CALN1: variants seen among roughly 807,000 people sequenced by gnomAD.
The protein encoded by CALN1 is calneuron 1, also known as calcium-binding protein 8.
Under a neutral mutation model 30.6 loss-of-function variants are expected in CALN1, and 17 were observed. That is an observed-to-expected ratio of 0.56 (90% CI 0.38 to 0.83). The LOEUF (loss-of-function observed/expected upper bound fraction) is 0.83. Ranked by LOEUF, CALN1 falls within the 40% of genes least tolerant of loss-of-function variation. The pLI is 0.00. For missense variants in CALN1, 291 were observed against 354.9 expected (o/e 0.82, Z 1.45); for synonymous variants, 156 against 131.4 (o/e 1.19, Z -1.28).
At chr7:72,020,206 A>AT (rs1471699305) in intron 5 of CALN1, among the ~76,000 whole-genome samples, 1 of 152,182 alleles carries the variant, frequency 6.6e-6, no homozygotes, top group Non-Finnish European at 1.5e-5. Flanking sequence ...CTACAGGTGC[A>AT]TAACACCATG....
At chr7:72,151,889 T>A (rs571100731) in intron 3 of CALN1, among the ~76,000 whole-genome samples, 2 of 134,382 alleles carry the variant, frequency 1.5e-5, no homozygotes, top group Non-Finnish European at 3.1e-5. Flanking sequence ...TTTTATTTTT[T>A]ATTTTTATTT....
chr7:71,969,652 G>A (rs1021570536), intron 5 of CALN1, among the ~76,000 whole-genome samples: 2 of 152,156 alleles, frequency 1.3e-5, no homozygotes, highest in African/African-American at 4.8e-5. Context: ...AGGTAAACAG[G>A]ATGGTACTTA....
At chr7:72,279,951 A>G (rs760131017) in intron 2 of CALN1, among the ~76,000 whole-genome samples, 2 of 152,184 alleles carry the variant, frequency 1.3e-5, no homozygotes, top group Non-Finnish European at 2.9e-5. Flanking sequence ...GCTTCTGGAA[A>G]GTGAACTGGG....
At chr7:72,304,947 G>A (rs1400978123) in intron 2 of CALN1, among the ~76,000 whole-genome samples, 1 of 152,212 alleles carries the variant, frequency 6.6e-6, no homozygotes, top group Non-Finnish European at 1.5e-5. Context: ...GAAAGAGCCT[G>A]GCTGGAATTT....
intron 3 of CALN1, among the ~76,000 whole-genome samples, chr7:72,125,366 T>G (rs1469191745): frequency 1.3e-5 from 2 of 152,198 alleles, no homozygotes; most frequent in Admixed American, 6.5e-5. Flanking sequence ...ACTTGCTGAT[T>G]GTCTCCTATG....
chr7:71,984,309 T>A (rs775519921), intron 5 of CALN1, among the ~76,000 whole-genome samples: 1 of 152,164 alleles, frequency 6.6e-6, no homozygotes, highest in Non-Finnish European at 1.5e-5. Flanking sequence ...CCAAGTAGAA[T>A]TAAATGCTTG....
At chr7:71,941,410 G>C (rs973856722) in intron 5 of CALN1, among the ~76,000 whole-genome samples, 20 of 151,970 alleles carry the variant, frequency 1.3e-4, no homozygotes, top group Non-Finnish European at 2.9e-4. Context: ...TAACTGACGG[G>C]GGGAAGACTG....
intron 5 of CALN1, among the ~76,000 whole-genome samples, chr7:71,918,880 T>C (rs892998269): frequency 2.0e-5 from 3 of 152,240 alleles, no homozygotes; most frequent in African/African-American, 4.8e-5. Context: ...TTCCATTGTT[T>C]TCCTAGTTCT....
chr7:72,387,338 T>C (rs1447884695), intron 2 of CALN1, among the ~76,000 whole-genome samples: 1 of 142,402 alleles, frequency 7.0e-6, no homozygotes, highest in African/African-American at 2.6e-5. Context: ...AAGAATTCCA[T>C]AATTTATAGG....
intron 2 of CALN1, among the ~76,000 whole-genome samples, chr7:72,328,178 T>C (rs1047667889): frequency 5.3e-5 from 8 of 152,194 alleles, no homozygotes; most frequent in Admixed American, 2.0e-4. Context: ...GAGCCACTTA[T>C]TGGGCACCTT....
At chr7:72,477,694 C>A in the CALN1 span, among the ~76,000 whole-genome samples, 7 of 152,096 alleles carry the variant, frequency 4.6e-5, no homozygotes, top group Non-Finnish European at 7.4e-5. Context: ...AGTGCTAAGT[C>A]TACAGGCACA....
intron 5 of CALN1, among the ~76,000 whole-genome samples, chr7:71,837,163 C>T (rs976102767): frequency 7.2e-6 from 1 of 138,210 alleles, no homozygotes; most frequent in Non-Finnish European, 1.5e-5. Flanking sequence ...ATCCAGAAGG[C>T]AGAGGTTGCA....
At chr7:71,988,419 C>T (rs952318625) in intron 5 of CALN1, among the ~76,000 whole-genome samples, 2 of 152,048 alleles carry the variant, frequency 1.3e-5, no homozygotes, top group Admixed American at 6.5e-5. Flanking sequence ...GCGGCAGAGG[C>T]GGCTCTCAGG....
intron 2 of CALN1, among the ~76,000 whole-genome samples, chr7:72,397,714 T>TCTCTCACACACACACA (rs142607076): frequency 2.1e-5 from 3 of 142,910 alleles, no homozygotes; most frequent in Admixed American, 7.0e-5. Flanking sequence ...CCATTCTCTC[T>TCTCTCACACACACACA]CACACACACA....
At chr7:72,191,182 AGAATGCGACT>A (rs1790571454) in intron 3 of CALN1, among the ~76,000 whole-genome samples, 1 of 152,220 alleles carries the variant, frequency 6.6e-6, no homozygotes, top group Non-Finnish European at 1.5e-5. Context: ...GAAGACAAGA[AGAATGCGACT>A]GACAGCCTAG....
intron 3 of CALN1, among the ~76,000 whole-genome samples, chr7:72,205,568 G>GTATATATATATATATATATATATA (rs1253422246): frequency 1.1e-5 from 1 of 91,810 alleles, no homozygotes; most frequent in Non-Finnish European, 1.8e-5. Flanking sequence ...ATATATATAT[G>GTATATATATATATATATATATATA]TATATATATA....
chr7:72,007,844 G>T (rs1381060381), intron 5 of CALN1, among the ~76,000 whole-genome samples: 2 of 152,194 alleles, frequency 1.3e-5, no homozygotes, highest in Non-Finnish European at 2.9e-5. Context: ...TGGGATTATA[G>T]CCATGAGTCA....
chr7:72,022,430 T>C (rs148251472), intron 5 of CALN1, among the ~76,000 whole-genome samples: 3 of 152,356 alleles, frequency 2.0e-5, no homozygotes, highest in Middle Eastern at 3.4e-3. Context: ...TCTTGCTCTG[T>C]TGCCCATGCT....
At chr7:71,983,124 G>A (rs1798484993) in intron 5 of CALN1, among the ~76,000 whole-genome samples, 2 of 152,164 alleles carry the variant, frequency 1.3e-5, no homozygotes, top group Admixed American at 1.3e-4. Context: ...AAAATCCAGT[G>A]CAGTCTGCTG....
Sources: allele counts gnomAD v4.1 joint callset (sites outside exome capture counted in the v4.1 genomes callset), GRCh38; gene constraint gnomAD v4.1.1; transcripts MANE v1.5; gene names NCBI Gene and HGNC (gene_info 2026-07-23, HGNC 2026-07-21).